GNAS: variants seen among roughly 807,000 people sequenced by gnomAD.
GNAS encodes the protein protein ALEX.
Under a neutral mutation model 54.5 loss-of-function variants are expected in GNAS, and 8 were observed. The observed-to-expected ratio is 0.15, with a 90% CI of 0.09 to 0.26. GNAS has a LOEUF of 0.26. Among genes scored for constraint, GNAS ranks in the 10% least tolerant of loss-of-function variants. GNAS has a pLI of 1.00. For synonymous variants in GNAS, 204 were observed against 191.4 expected, an observed-to-expected ratio of 1.07 and a Z score of -0.54; for missense variants, 170 against 529.8, an observed-to-expected ratio of 0.32 and a Z score of 6.67.
Position 58,841,336 on chromosome 20 carries a change from T to C in GNAS, c.43+450T>C. On this transcript the variant is annotated intron_variant, in intron 1 of 12. Transcript: ENST00000306090. This position sits in a 1 kb window ranked among gnomAD's most constrained non-coding sequence, Gnocchi z 5.0. ...GAGGTGCGCGCGCCAACTTTCACGA[T>C]GTGAGAGCAGCCGCGCTGTAGAGAC... is the stretch of plus-strand genomic sequence containing the variant. 1.9e-6 allele frequency: 2 copies of C among 1,057,334 alleles called. No individual in the cohort carries two copies. The highest frequency in any genetic ancestry group is 2.3e-6 in the Non-Finnish European group (2 of 874,348). The allele number at this position is 1,057,334 out of a possible 1,614,324, so 65.5% of individuals were successfully genotyped here.
In GNAS at chr20:58,851,927, G is replaced by A. The variant is rs1432793791; in HGVS notation, c.43+11041G>A. 2.6e-5 allele frequency among the ~76,000 whole-genome samples: 4 copies of A among 152,198 alleles called. No homozygotes were observed. The East Asian group carries it at 5.8e-4, about 22-fold the overall frequency. On this transcript the variant is annotated intron_variant, in intron 1 of 12. Coordinates refer to the GNAS transcript ENST00000306090. ...CGCACCTCAGCTCCGGTTGCCGCGCGGCATGGTATTTATCTGTGGGTTCAG... is the reference window on the plus strand; with the variant it reads ...CGCACCTCAGCTCCGGTTGCCGCGCAGCATGGTATTTATCTGTGGGTTCAG...
chr20:58,848,124 A>G (rs2086005729), intron 1 of GNAS, among the ~76,000 whole-genome samples: 1 of 152,232 alleles, frequency 6.6e-6, no homozygotes, highest in African/African-American at 2.4e-5. Flanking sequence ...TCAGACATGC[A>G]GAGTTTAATG....
chr20:58,907,249 A>C (rs2091123320), intron 6 of GNAS, among the ~76,000 whole-genome samples: 1 of 152,122 alleles, frequency 6.6e-6, no homozygotes, highest in African/African-American at 2.4e-5. Flanking sequence ...CCACATACAT[A>C]GATATTCCAC....
intron 3 of GNAS, chr20:58,900,185 G>T: frequency 1.8e-6 from 1 of 570,220 alleles, no homozygotes; most frequent in Non-Finnish European, 3.1e-6. Flanking sequence ...TATCCAAAAA[G>T]GCATCTCTAT....
rs779743215 is a variant in GNAS at position 58,910,852 on chromosome 20, T to A, written c.*23T>A. ...TAAGAAGGGAACCCCCAAATTTAAT[T>A]AAAGCCTTAAGCACAATTAATTAAA... is the stretch of plus-strand genomic sequence containing the variant. On this transcript the variant is annotated 3_prime_UTR_variant, in exon 13 of 13. Transcript: ENST00000371085. This position sits in a 1 kb window ranked among gnomAD's most constrained non-coding sequence, Gnocchi z 5.8. The A allele has an allele frequency of 1.2e-6, 2 of 1,607,640 alleles. No individual in the cohort carries two copies. The highest frequency in any genetic ancestry group is 3.3e-5 in the Admixed American group (2 of 60,002).
chr20:58,869,822 C>T (rs1370831745), intron 1 of GNAS, among the ~76,000 whole-genome samples: 1 of 152,210 alleles, frequency 6.6e-6, no homozygotes, highest in Non-Finnish European at 1.5e-5. Flanking sequence ...AGGATGGGAC[C>T]CCTACTGTCC....
intron 1 of GNAS, among the ~76,000 whole-genome samples, chr20:58,869,389 T>G (rs2087286000): frequency 6.6e-6 from 1 of 152,216 alleles, no homozygotes; most frequent in Non-Finnish European, 1.5e-5. Context: ...TAGGGCCCTC[T>G]GTTGTCCTTT....
chr20:58,891,555 G>GCGCGCCC lies in GNAS; in HGVS notation c.-167_-161dup. On this transcript the variant is annotated 5_prime_UTR_variant, in exon 1 of 13. Coordinates refer to ENST00000371085, the MANE Select transcript of GNAS (RefSeq NM_000516.7). ...GACACCCTCCCCTTCCCGCCCGTCCGCGCGCCCCGCGGCCCGCGGCCCGCA... is the reference window on the plus strand; with the variant it reads ...GACACCCTCCCCTTCCCGCCCGTCCGCGCGCCCCGCGCCCCGCGGCCCGCGGCCCGCA... 2 of 973,048 alleles carry GCGCGCCC rather than the reference G, an allele frequency of 2.1e-6. No individual in the cohort carries two copies. Among genetic ancestry groups the GCGCGCCC allele is most frequent in the Non-Finnish European group, 2.4e-6 (2 of 822,748 alleles). 60.3% of individuals were successfully genotyped at this position (973,048 alleles called of 1,614,324 possible).
chr20:58,889,743 G>T (rs1282643544), upstream of GNAS, among the ~76,000 whole-genome samples: 1 of 150,436 alleles, frequency 6.6e-6, no homozygotes, highest in African/African-American at 2.4e-5. Context: ...CGCGCTCCGC[G>T]GCCCCGGGGC....
intron 1 of GNAS, chr20:58,852,845 G>A (rs1001829781): frequency 3.8e-6 from 1 of 266,336 alleles, no homozygotes; most frequent in Non-Finnish European, 6.7e-6. Context: ...GCCGGAGCCA[G>A]CTCGGCACTG....
chr20:58,855,390 G>C, intron 1 of GNAS: 1 of 1,492,232 alleles, frequency 6.7e-7, no homozygotes, highest in Non-Finnish European at 9.1e-7. Flanking sequence ...CGGGGAGGGG[G>C]TGGCAGGGCT....
At chr20:58,862,856 A>G (rs991048474) in intron 1 of GNAS, among the ~76,000 whole-genome samples, 2 of 151,472 alleles carry the variant, frequency 1.3e-5, no homozygotes, top group Non-Finnish European at 2.9e-5. Context: ...ACCCCTGCCT[A>G]TCCAGCTCCC....
At chr20:58,854,292 C>T in intron 1 of GNAS, 1 of 1,608,148 alleles carries the variant, frequency 6.2e-7, no homozygotes, top group Admixed American at 1.7e-5. Context: ...CTCCGGAGCC[C>T]CAGATAAGAG....
chr20:58,840,352 G>A (rs202166182), upstream of GNAS: 18 of 1,613,194 alleles, frequency 1.1e-5, no homozygotes, highest in Non-Finnish European at 1.5e-5. This position sits in a 1 kb window ranked among gnomAD's most constrained non-coding sequence, Gnocchi z 6.0. Flanking sequence ...CCCCCGAATC[G>A]GAATCTGACC....
chr20:58,855,880 G>T, intron 1 of GNAS: 1 of 545,716 alleles, frequency 1.8e-6, no homozygotes, highest in Non-Finnish European at 3.2e-6. Flanking sequence ...CAAATTACCC[G>T]CCGACTGTGT....
At chr20:58,897,042 C>T (rs531415714) in intron 2 of GNAS, among the ~76,000 whole-genome samples, 1 of 152,196 alleles carries the variant, frequency 6.6e-6, no homozygotes, top group Non-Finnish European at 1.5e-5. Context: ...GATGACATCA[C>T]CCATACGAAT....
intron 1 of GNAS, chr20:58,855,662 G>A (rs1568930656): frequency 2.9e-6 from 2 of 701,444 alleles, no homozygotes; most frequent in Non-Finnish European, 5.3e-6. Context: ...AGGAACTGCC[G>A]GGGAGGGGCC....
intron 1 of GNAS, among the ~76,000 whole-genome samples, chr20:58,865,029 C>T (rs74310888): frequency 0.036 from 5,493 of 152,194 alleles, 136 homozygotes; most frequent in African/African-American, 0.064. Flanking sequence ...TGCCAAATGT[C>T]ACCCCTCATT....
At chr20:58,870,745 C>T (rs948134531) in intron 1 of GNAS, among the ~76,000 whole-genome samples, 1 of 152,158 alleles carries the variant, frequency 6.6e-6, no homozygotes, top group Non-Finnish European at 1.5e-5. Context: ...CAAATCCCTC[C>T]CTTAGAGGGA....
Sources: gnomAD v4.1 joint callset for allele counts (sites outside exome capture counted in the v4.1 genomes callset) on GRCh38, gnomAD v4.1.1 for gene constraint, Gnocchi (gnomAD v3.1) non-coding constraint, MANE v1.5 for transcripts, NCBI Gene and HGNC (gene_info 2026-07-23, HGNC 2026-07-21) for gene names.